Variants in SNX29 observed in about 807,000 individuals in gnomAD.
SNX29 encodes the protein sorting nexin 29.
In SNX29, 78 loss-of-function variants were observed where a neutral mutation model predicts 102.1. That is an observed-to-expected ratio of 0.76 (90% CI 0.64 to 0.92). The LOEUF (loss-of-function observed/expected upper bound fraction) is 0.92, where lower values mean the gene tolerates loss of function less well. Among genes scored for constraint, SNX29 ranks in the 40% least tolerant of loss-of-function variants. SNX29 has a pLI of 0.00. For missense variants in SNX29, 1,280 were observed against 1,061.7 expected, an observed-to-expected ratio of 1.21 and a Z score of -2.86; for synonymous variants, 580 against 414.5, an observed-to-expected ratio of 1.40 and a Z score of -4.85.
chr16:12,247,934 T>C (rs2078306776), intron 14 of SNX29, among the ~76,000 whole-genome samples: 1 of 152,196 alleles, frequency 6.6e-6, no homozygotes, highest in Non-Finnish European at 1.5e-5. Flanking sequence ...TACCACACAC[T>C]GTGTAGAATT....
chr16:12,078,724 C>A, intron 10 of SNX29, 109 bp from the exon 11 acceptor site: 1 of 873,876 alleles, frequency 1.1e-6, no homozygotes, highest in Non-Finnish European at 1.9e-6. Flanking sequence ...TGCCTCTATC[C>A]CTTCTAGTAG....
chr16:12,274,006 T>C (rs1314986538), intron 14 of SNX29, among the ~76,000 whole-genome samples: 1 of 152,242 alleles, frequency 6.6e-6, no homozygotes, highest in Non-Finnish European at 1.5e-5. Context: ...GGGTTGTTTA[T>C]GCTTTTTTGT....
At chr16:12,429,277 A>G (rs922363976) in intron 18 of SNX29, among the ~76,000 whole-genome samples, 26 of 152,256 alleles carry the variant, frequency 1.7e-4, no homozygotes, top group African/African-American at 5.5e-4. Flanking sequence ...TAGTCCCACC[A>G]CACAGACACA....
At chr16:12,556,990 G>A (rs1301209220) in intron 20 of SNX29, among the ~76,000 whole-genome samples, 1 of 143,464 alleles carries the variant, frequency 7.0e-6, no homozygotes, top group South Asian at 2.3e-4. Context: ...CTGGACAACA[G>A]GTACACACCA....
chr16:12,080,448 G>T (rs967705457), intron 11 of SNX29, among the ~76,000 whole-genome samples: 1 of 152,112 alleles, frequency 6.6e-6, no homozygotes, highest in Non-Finnish European at 1.5e-5. Context: ...TGGGACACAG[G>T]GTGGGTGAGT....
At chr16:12,391,289 C>G (rs1001284161) in intron 16 of SNX29, among the ~76,000 whole-genome samples, 1 of 152,192 alleles carries the variant, frequency 6.6e-6, no homozygotes, top group African/African-American at 2.4e-5. Flanking sequence ...ACCACAAATA[C>G]CACAGAATCC....
chr16:12,271,043 AAATC>A (rs1027212165), intron 14 of SNX29, among the ~76,000 whole-genome samples: 33 of 152,264 alleles, frequency 2.2e-4, no homozygotes, highest in African/African-American at 7.5e-4. Context: ...ACTCTCAAAA[AAATC>A]AATCAATAAA....
intron 3 of SNX29, among the ~76,000 whole-genome samples, chr16:12,016,298 A>AT (rs202042886): frequency 7.2e-4 from 109 of 150,388 alleles, no homozygotes; most frequent in Middle Eastern, 3.5e-3. Flanking sequence ...CTTAAGCATC[A>AT]TTTTTTTTTT....
intron 11 of SNX29, chr16:12,081,460 A>C (rs180681366): frequency 8.5e-5 from 13 of 152,234 alleles, no homozygotes; most frequent in Admixed American, 8.5e-4. Context: ...CTGACCAAGA[A>C]ATCACAGCTT....
At chr16:12,454,268 CA>C (rs1243699763) in intron 18 of SNX29, among the ~76,000 whole-genome samples, 1 of 152,178 alleles carries the variant, frequency 6.6e-6, no homozygotes, top group Non-Finnish European at 1.5e-5. Context: ...GATCGCAGAG[CA>C]GAAAGATGGA....
chr16:12,115,765 A>G lies in SNX29; in HGVS notation c.1403-10868A>G, dbSNP rs150025720. On this transcript the variant is annotated intron_variant, in intron 11 of 20. Coordinates refer to ENST00000566228, the MANE Select transcript of SNX29 (RefSeq NM_032167.5). The stretch of plus-strand genomic sequence containing the variant: ...CCTGGTCCTTTGGCGGGTTTCTGCA[A>G]TATGTTCCTCCTCGAGGCCTTTCTT... 2.9e-3 allele frequency among the ~76,000 whole-genome samples: 444 copies of G among 152,240 alleles called. 1 individual carries two copies. The highest frequency in any genetic ancestry group is 0.01 in the African/African-American group (421 of 41,568).
intron 18 of SNX29, among the ~76,000 whole-genome samples, chr16:12,452,310 A>G (rs1220362249): frequency 3.9e-5 from 1 of 25,792 alleles, no homozygotes; most frequent in Non-Finnish European, 6.4e-5. Flanking sequence ...CTGGCATCTC[A>G]TGGGTGCAGG....
chr16:12,209,965 G>T (rs2077140732), intron 14 of SNX29, among the ~76,000 whole-genome samples: 1 of 152,140 alleles, frequency 6.6e-6, no homozygotes, highest in African/African-American at 2.4e-5. Context: ...GAATTCGTTT[G>T]GGTTGAAGTC....
At chr16:12,453,067 A>G (rs2086378127) in intron 18 of SNX29, among the ~76,000 whole-genome samples, 1 of 152,162 alleles carries the variant, frequency 6.6e-6, no homozygotes, top group Admixed American at 6.5e-5. Flanking sequence ...TGGTGGCAGC[A>G]TGTGCCTCCC....
At chr16:12,072,181 C>G (rs973410680) in intron 10 of SNX29, among the ~76,000 whole-genome samples, 34 of 151,840 alleles carry the variant, frequency 2.2e-4, no homozygotes, top group African/African-American at 8.2e-4. Flanking sequence ...CCTAATTGCC[C>G]TGGCCAAAAC....
chr16:12,277,273 G>A (rs1426824664), intron 14 of SNX29, among the ~76,000 whole-genome samples: 1 of 152,078 alleles, frequency 6.6e-6, no homozygotes, highest in Non-Finnish European at 1.5e-5. Context: ...GCAGGGTTAT[G>A]CCTACAGTCC....
At chr16:12,422,817 T>C (rs776673565) in intron 18 of SNX29, among the ~76,000 whole-genome samples, 1 of 152,214 alleles carries the variant, frequency 6.6e-6, no homozygotes, top group African/African-American at 2.4e-5. Context: ...AGTCTGACAA[T>C]TTCACTTTTG....
chr16:12,498,683 A>T (rs1469675078), intron 19 of SNX29, among the ~76,000 whole-genome samples: 1 of 152,274 alleles, frequency 6.6e-6, no homozygotes, highest in Non-Finnish European at 1.5e-5. Flanking sequence ...GGTAGTCTCT[A>T]GTAATCTCTG....
At chr16:12,322,203 C>T (rs894856088) in intron 15 of SNX29, among the ~76,000 whole-genome samples, 10 of 152,136 alleles carry the variant, frequency 6.6e-5, no homozygotes, top group Admixed American at 2.0e-4. Context: ...AGGCCAGTCA[C>T]GCTAGTGATG....
Sources: gnomAD v4.1 joint callset for allele counts (sites outside exome capture counted in the v4.1 genomes callset) on GRCh38, gnomAD v4.1.1 for gene constraint, MANE v1.5 for transcripts, NCBI Gene and HGNC (gene_info 2026-07-23, HGNC 2026-07-21) for gene names.